ROBO2: variants seen among roughly 807,000 people sequenced by gnomAD.
ROBO2 encodes the protein roundabout guidance receptor 2.
ROBO2 carries 53 observed loss-of-function variants against 160.8 expected under a neutral mutation model. That is an observed-to-expected ratio of 0.33 (90% CI 0.26 to 0.41). The LOEUF (loss-of-function observed/expected upper bound fraction) is 0.41. Among genes scored for constraint, ROBO2 ranks in the 10% least tolerant of loss-of-function variants. ROBO2 has a pLI of 1.00. For synonymous variants in ROBO2, 664 were observed against 611.7 expected, an observed-to-expected ratio of 1.09 and a Z score of -1.26; for missense variants, 1,577 against 1,722.4, an observed-to-expected ratio of 0.92 and a Z score of 1.49.
chr3:77,093,243 A>T (rs570048791), intron 1 of ROBO2, among the ~76,000 whole-genome samples: 3 of 152,266 alleles, frequency 2.0e-5, no homozygotes, highest in Admixed American at 2.0e-4. Context: ...TATTTCTAAT[A>T]CACCTTTGGA....
At chr3:76,518,331 T>C (rs1164144334) in intron 2 of ROBO2, among the ~76,000 whole-genome samples, 1 of 152,068 alleles carries the variant, frequency 6.6e-6, no homozygotes, top group Admixed American at 6.6e-5. Context: ...TGTGGGTACA[T>C]AGTAGGTATG....
At chr3:76,103,094 A>T (rs892185616) in intron 2 of ROBO2, among the ~76,000 whole-genome samples, 1 of 152,046 alleles carries the variant, frequency 6.6e-6, no homozygotes, top group Admixed American at 6.6e-5. Flanking sequence ...AAATGCTGGG[A>T]TTACAGGCGT....
chr3:76,469,541 G>A (rs540430331), intron 2 of ROBO2, among the ~76,000 whole-genome samples: 7 of 152,062 alleles, frequency 4.6e-5, no homozygotes, highest in African/African-American at 1.2e-4. Flanking sequence ...GAGCCTTAAC[G>A]CATACTGTCC....
chr3:76,761,074 G>A (rs1639061294), intron 2 of ROBO2, among the ~76,000 whole-genome samples: 1 of 151,620 alleles, frequency 6.6e-6, no homozygotes, highest in South Asian at 2.1e-4. Context: ...GCCTGGTACT[G>A]TCTCTAACCC....
chr3:77,079,698 T>C (rs2068428822), intron 1 of ROBO2, among the ~76,000 whole-genome samples: 1 of 152,226 alleles, frequency 6.6e-6, no homozygotes, highest in Non-Finnish European at 1.5e-5. Context: ...ATGATGTTCA[T>C]TCCACAGGTA....
intron 2 of ROBO2, among the ~76,000 whole-genome samples, chr3:76,439,111 C>T (rs946117761): frequency 6.6e-6 from 1 of 151,970 alleles, no homozygotes; most frequent in Non-Finnish European, 1.5e-5. Context: ...GTGGGAACCA[C>T]CATTACTGTT....
chr3:77,282,851 A>T (rs1222936800), intron 2 of ROBO2, among the ~76,000 whole-genome samples: 1 of 152,002 alleles, frequency 6.6e-6, no homozygotes, highest in Non-Finnish European at 1.5e-5. Context: ...ATCTAGAGTG[A>T]ACGCTTTACT....
chr3:76,035,339 T>C (rs1004812717), intron 2 of ROBO2, among the ~76,000 whole-genome samples: 3 of 152,004 alleles, frequency 2.0e-5, no homozygotes, highest in African/African-American at 7.3e-5. Context: ...CTAGACATGT[T>C]CTAAGACAGA....
intron 23 of ROBO2, chr3:77,629,315 AC>A (rs1309860759): frequency 6.6e-6 from 1 of 152,092 alleles, no homozygotes; most frequent in Non-Finnish European, 1.5e-5. Context: ...TACTGGTTTC[AC>A]CTGTCAATAG....
chr3:75,964,724 G>A (rs1298298121), intron 2 of ROBO2, among the ~76,000 whole-genome samples: 2 of 151,570 alleles, frequency 1.3e-5, no homozygotes, highest in Non-Finnish European at 3.0e-5. Flanking sequence ...AGTTACACGA[G>A]TTTCAATTTC....
At chr3:76,873,374 T>C (rs978382136) in intron 2 of ROBO2, among the ~76,000 whole-genome samples, 5 of 152,194 alleles carry the variant, frequency 3.3e-5, no homozygotes, top group African/African-American at 1.2e-4. Flanking sequence ...CATCCAGCAT[T>C]TGAGAAACTC....
intron 2 of ROBO2, among the ~76,000 whole-genome samples, chr3:76,638,728 CT>C (rs1430173195): frequency 6.6e-6 from 1 of 151,942 alleles, no homozygotes; most frequent in African/African-American, 2.4e-5. Flanking sequence ...TATCAGTAGC[CT>C]TTTTTGTCTG....
chr3:76,010,775 T>C (rs1446584042), intron 2 of ROBO2, among the ~76,000 whole-genome samples: 2 of 152,220 alleles, frequency 1.3e-5, no homozygotes, highest in Non-Finnish European at 2.9e-5. Flanking sequence ...ATCCACTTGT[T>C]GGAGAAAAGT....
chr3:76,834,001 C>CTTTCTCTCTTTTCTTTCTTTCT (rs2067316677), intron 2 of ROBO2, among the ~76,000 whole-genome samples: 2 of 117,370 alleles, frequency 1.7e-5, no homozygotes, highest in African/African-American at 3.2e-5. Context: ...TTCTTTCCTT[C>CTTTCTCTCTTTTCTTTCTTTCT]TTTCTTTCTT....
chr3:76,553,355 C>T (rs377304872), intron 2 of ROBO2, among the ~76,000 whole-genome samples: 1 of 152,034 alleles, frequency 6.6e-6, no homozygotes, highest in Non-Finnish European at 1.5e-5. Context: ...GTCAAGGAGA[C>T]GATAAATCAT....
chr3:77,359,107 T>A (rs1486100479), intron 2 of ROBO2, among the ~76,000 whole-genome samples: 2 of 152,238 alleles, frequency 1.3e-5, no homozygotes, highest in East Asian at 3.9e-4. Context: ...AAGCAATGCA[T>A]GAGTATCTAA....
At chr3:77,401,959 A>G (rs2075835057) in intron 2 of ROBO2, among the ~76,000 whole-genome samples, 1 of 152,176 alleles carries the variant, frequency 6.6e-6, no homozygotes, top group African/African-American at 2.4e-5. Context: ...AAACCATTCT[A>G]CTATAAAGAA....
intron 23 of ROBO2, among the ~76,000 whole-genome samples, chr3:77,623,501 T>C (rs1304598862): frequency 6.6e-6 from 1 of 152,218 alleles, no homozygotes; most frequent in Non-Finnish European, 1.5e-5. Context: ...CCTATGATTT[T>C]CCTCTGTATT....
intron 2 of ROBO2, among the ~76,000 whole-genome samples, chr3:76,550,040 G>A (rs949859417): frequency 2.6e-5 from 4 of 152,146 alleles, no homozygotes; most frequent in African/African-American, 9.7e-5. Context: ...ACATCTGACT[G>A]TTATTACAAT....
Sources: allele counts gnomAD v4.1 joint callset (sites outside exome capture counted in the v4.1 genomes callset), GRCh38; gene constraint gnomAD v4.1.1; transcripts MANE v1.5; gene names NCBI Gene and HGNC (gene_info 2026-07-23, HGNC 2026-07-21).